Variants in CRLF3 observed in about 807,000 individuals in gnomAD.
CRLF3 encodes cytokine receptor-like factor 3.
CRLF3 carries 33 observed loss-of-function variants against 55.0 expected under a neutral mutation model. The ratio of observed to expected loss-of-function variants is 0.60; its 90% CI spans 0.46 to 0.80. The LOEUF is 0.80. Ranked by LOEUF, CRLF3 falls within the 30% of genes least tolerant of loss-of-function variation. The pLI is 0.00. For synonymous variants in CRLF3, 238 were observed against 196.8 expected, an observed-to-expected ratio of 1.21 and a Z score of -1.75; for missense variants, 494 against 538.4, an observed-to-expected ratio of 0.92 and a Z score of 0.82.
chr17:30,815,125 G>A (rs545584200), intron 1 of CRLF3, among the ~76,000 whole-genome samples: 12 of 98,836 alleles, frequency 1.2e-4, no homozygotes, highest in African/African-American at 4.5e-4. Context: ...TTGCACTATT[G>A]CCCAAGCTGG....
rs956264044 is a variant in CRLF3 at position 30,793,671 on chromosome 17, A to G, written c.605T>C (p.Val202Ala). 3.1e-6 allele frequency: 5 copies of G among 1,603,120 alleles called. No individual in the cohort carries two copies. In the Admixed American group the frequency reaches 5.1e-5, roughly 16 times the overall value. Residue 202 changes from valine (V) to alanine (A), a missense_variant and splice_region_variant, in exon 5 of 8, where the codon GTG (valine) becomes GCG (alanine). Physicochemically the swap from Val to Ala is moderately conservative, Grantham distance 64. Transcript: ENST00000324238. ...ATCTTGGGCTGTAAAGTCATCATCC[A>G]CCTAGGGAGAAAAGCTTTATGTTAG... is the stretch of plus-strand genomic sequence containing the variant. ...PGGIIVRWCK[V>A]DDDFTAQDYR...
At chr17:30,791,660 G>T (rs1167578617) in intron 6 of CRLF3, among the ~76,000 whole-genome samples, 1 of 150,568 alleles carries the variant, frequency 6.6e-6, no homozygotes, top group Non-Finnish European at 1.5e-5. Context: ...TGGGACCACA[G>T]ACACCCACCA....
At chr17:30,819,745 G>T (rs1270712803) in intron 1 of CRLF3, among the ~76,000 whole-genome samples, 2 of 152,114 alleles carry the variant, frequency 1.3e-5, no homozygotes, top group Non-Finnish European at 2.9e-5. Flanking sequence ...TAGGACAAGT[G>T]ATGAAAGATA....
intron 4 of CRLF3, among the ~76,000 whole-genome samples, chr17:30,795,852 C>G (rs1971908602): frequency 6.6e-6 from 1 of 152,050 alleles, no homozygotes; most frequent in South Asian, 2.1e-4. Flanking sequence ...AGGAGAATGG[C>G]TTGAACCCGG....
chr17:30,785,849 T>A (rs1321187566), intron 7 of CRLF3, 70 bp downstream of exon 7: 1 of 833,834 alleles, frequency 1.2e-6, no homozygotes, highest in African/African-American at 1.7e-5. Context: ...TGTATGGAAC[T>A]GGAACAGATT....
At chr17:30,807,856 T>C (rs1391810941) in intron 1 of CRLF3, among the ~76,000 whole-genome samples, 1 of 152,206 alleles carries the variant, frequency 6.6e-6, no homozygotes, top group East Asian at 1.9e-4. Flanking sequence ...GCAGTTATAA[T>C]AATATTTATG....
Position 30,804,155 on chromosome 17 carries a change from G to A in CRLF3, c.130-47C>T, listed in dbSNP as rs774824012. 5 of 1,385,564 alleles carry A rather than the reference G, an allele frequency of 3.6e-6. No homozygotes were observed. The Admixed American group carries it at 5.2e-5, about 14-fold the overall frequency. 85.8% of individuals were successfully genotyped at this position (1,385,564 alleles called of 1,614,324 possible). A position where few individuals can be genotyped will look rare whatever the true frequency, so the allele number is the denominator to read the frequency against. On this transcript the variant is annotated intron_variant, in intron 1 of 7. Transcript: ENST00000324238. ...CTCAAAATCAGAATCTTTAAAAAAG[G>A]CTAATCCAAAGGTATAATTCACATG...
intron 1 of CRLF3, among the ~76,000 whole-genome samples, chr17:30,812,387 G>T (rs969906136): frequency 2.6e-5 from 4 of 152,128 alleles, no homozygotes; most frequent in African/African-American, 9.7e-5. Flanking sequence ...GAGAACCTGT[G>T]TAGATGAGTA....
chr17:30,793,066 G>C (rs1034935902), intron 5 of CRLF3, among the ~76,000 whole-genome samples: 2 of 151,164 alleles, frequency 1.3e-5, no homozygotes, highest in Admixed American at 6.6e-5. Flanking sequence ...TGAGGCAGAA[G>C]GATCTAGAGG....
intron 7 of CRLF3, 40 bp downstream of exon 7, chr17:30,785,879 T>G (rs1344638235): frequency 9.6e-7 from 1 of 1,044,468 alleles, no homozygotes; most frequent in African/African-American, 1.6e-5. Context: ...CTAAAATAAT[T>G]AATATATTTC....
At chr17:30,800,066 A>T (rs1971982661) in intron 2 of CRLF3, among the ~76,000 whole-genome samples, 1 of 152,216 alleles carries the variant, frequency 6.6e-6, no homozygotes, top group African/African-American at 2.4e-5. Flanking sequence ...GACCAAAAGA[A>T]GATTAACTTC....
chr17:30,818,255 C>T (rs997364516), intron 1 of CRLF3, among the ~76,000 whole-genome samples: 2 of 150,364 alleles, frequency 1.3e-5, no homozygotes, highest in African/African-American at 4.9e-5. Context: ...AGCGAAACTT[C>T]ATTAAAAAAA....
intron 1 of CRLF3, among the ~76,000 whole-genome samples, chr17:30,808,551 G>T (rs1904501765): frequency 6.6e-6 from 1 of 151,636 alleles, no homozygotes; most frequent in Admixed American, 6.6e-5. Flanking sequence ...GCCTCCCAAA[G>T]TGCTGGAATT....
At chr17:30,811,239 G>C (rs1459504458) in intron 1 of CRLF3, among the ~76,000 whole-genome samples, 2 of 151,936 alleles carry the variant, frequency 1.3e-5, no homozygotes, top group Non-Finnish European at 2.9e-5. Flanking sequence ...TGGATTGCCT[G>C]AGCTCAGGAG....
chr17:30,793,641 C>CTGTA lies in CRLF3; in HGVS notation c.631_634dup (p.Arg212IlefsTer7). The stretch of plus-strand genomic sequence containing the variant: ...TGAAGTACATTTACGAAACTGGAGC[C>CTGTA]TGTAATCTTGGGCTGTAAAGTCATC... On this transcript the variant is annotated frameshift_variant, in exon 5 of 8. Coordinates refer to ENST00000324238, the MANE Select transcript of CRLF3 (RefSeq NM_015986.4). LOFTEE classifies it high-confidence loss of function. The CTGTA allele has an allele frequency of 6.2e-7, 1 of 1,613,854 alleles. No homozygotes were observed. Among genetic ancestry groups the CTGTA allele is most frequent in the Non-Finnish European group, 8.5e-7 (1 of 1,179,856 alleles).
chr17:30,804,152 A>G lies in CRLF3; in HGVS notation c.130-44T>C, dbSNP rs180803094. The G allele has an allele frequency of 1.4e-5, 20 of 1,398,732 alleles. No individual in the cohort carries two copies. In the African/African-American group the frequency reaches 2.4e-4, roughly 17 times the overall value. The allele number at this position is 1,398,732 out of a possible 1,614,324, so 86.6% of individuals were successfully genotyped here. Reference sequence around the variant, plus strand: ...ATACTCAAAATCAGAATCTTTAAAAAAGGCTAATCCAAAGGTATAATTCAC... The same window carrying G: ...ATACTCAAAATCAGAATCTTTAAAAGAGGCTAATCCAAAGGTATAATTCAC... On this transcript the variant is annotated intron_variant, in intron 1 of 7. Transcript: ENST00000324238.
chr17:30,793,755 A>T (rs1971860784), intron 4 of CRLF3, 83 bp from the exon 5 acceptor site: 3 of 889,966 alleles, frequency 3.4e-6, no homozygotes, highest in East Asian at 5.0e-5. Flanking sequence ...GAACGGAGCC[A>T]TTTTGGACCA....
chr17:30,785,956 A>G lies in CRLF3; in HGVS notation c.1035T>C (p.Ser345=). 1 of 1,612,076 alleles carries G rather than the reference A, an allele frequency of 6.2e-7. No homozygotes were observed. The highest frequency in any genetic ancestry group is 8.5e-7 in the Non-Finnish European group (1 of 1,178,204). The change falls in exon 7 of 8, where the codon TCT becomes TCC. Residue 345 remains serine (S), a synonymous_variant. Coordinates refer to ENST00000324238, the MANE Select transcript of CRLF3 (RefSeq NM_015986.4). ...VCAEKQDGYD[S]LQRDQAVCIS... is the part of the protein sequence containing the mutation. Reference sequence around the variant, plus strand: ...TGCACACAGCTTGATCCCGCTGCAGAGAGTCATATCCATCCTGTTTTTCTG... The same window carrying G: ...TGCACACAGCTTGATCCCGCTGCAGGGAGTCATATCCATCCTGTTTTTCTG...
intron 1 of CRLF3, among the ~76,000 whole-genome samples, chr17:30,822,468 T>C (rs563758915): frequency 6.6e-6 from 1 of 152,272 alleles, no homozygotes; most frequent in East Asian, 1.9e-4. Flanking sequence ...TATTACTCAG[T>C]CTAGTCAGAA....
Sources: gnomAD v4.1 joint callset for allele counts (sites outside exome capture counted in the v4.1 genomes callset) on GRCh38, gnomAD v4.1.1 for gene constraint, MANE v1.5 for transcripts, NCBI Gene and HGNC (gene_info 2026-07-23, HGNC 2026-07-21) for gene names.